The following ESR1 variants were observed in gnomAD, a reference collection of about 807,000 sequenced individuals.
The protein encoded by ESR1 is estrogen receptor.
Under a neutral mutation model 52.7 loss-of-function variants are expected in ESR1, and 12 were observed. That is an observed-to-expected ratio of 0.23 (90% CI 0.15 to 0.37). The LOEUF (loss-of-function observed/expected upper bound fraction) is 0.37. Ranked by LOEUF, ESR1 falls within the 10% of genes least tolerant of loss-of-function variation. The pLI is 1.00. For missense variants in ESR1, 584 were observed against 779.7 expected (o/e 0.75, Z 2.99); for synonymous variants, 305 against 316.8 (o/e 0.96, Z 0.39).
At chr6:151,839,931 G>A (rs9397448) in intron 1 of ESR1, among the ~76,000 whole-genome samples, 67,831 of 151,854 alleles carry the variant, frequency 0.45, 15,325 homozygotes, top group African/African-American at 0.47. Flanking sequence ...ACACTTAAGC[G>A]TGGTTACGAT....
intron 2 of ESR1, among the ~76,000 whole-genome samples, chr6:151,858,778 A>T (rs1291642362): frequency 1.3e-5 from 2 of 152,028 alleles, no homozygotes; most frequent in Admixed American, 1.3e-4. Flanking sequence ...TGTGATTTAG[A>T]GTGTGCAGTA....
At chr6:151,833,510 T>C (rs1782784565) in intron 1 of ESR1, among the ~76,000 whole-genome samples, 1 of 152,096 alleles carries the variant, frequency 6.6e-6, no homozygotes, top group Non-Finnish European at 1.5e-5. Flanking sequence ...AGGACAGGTT[T>C]GCAATGTGGA....
chr6:151,891,134 C>T (rs1234482116), intron 3 of ESR1, among the ~76,000 whole-genome samples: 1 of 152,080 alleles, frequency 6.6e-6, no homozygotes, highest in Non-Finnish European at 1.5e-5. Flanking sequence ...TATAACATAA[C>T]TTTGATTAAT....
Position 152,001,723 on chromosome 6 carries a change from A to G in ESR1, c.1097-9933A>G, listed in dbSNP as rs2041959834. Among the ~76,000 whole-genome samples the G allele has an allele frequency of 2.0e-5, 3 of 152,032 alleles. No homozygotes were observed. In the South Asian group the frequency reaches 6.2e-4, roughly 32 times the overall value. ...AATGGCATATACAAGTTCAGTGGTT[A>G]CTGACTTCAAAGGTGGGGTGGAAGA... is the stretch of plus-strand genomic sequence containing the variant. On this transcript the variant is annotated intron_variant, in intron 4 of 7. Transcript: ENST00000206249.
chr6:152,119,409 C>T (rs943139709), intron 6 of ESR1, among the ~76,000 whole-genome samples: 20 of 152,128 alleles, frequency 1.3e-4, no homozygotes, highest in African/African-American at 3.4e-4. Flanking sequence ...TCATTTCTCC[C>T]GGGATTTCTT....
intron 6 of ESR1, among the ~76,000 whole-genome samples, chr6:152,068,496 A>G (rs765539845): frequency 5.9e-5 from 9 of 151,732 alleles, no homozygotes; most frequent in Non-Finnish European, 1.0e-4. Context: ...CTATGCAATT[A>G]TCCCAGAGTG....
intron 2 of ESR1, among the ~76,000 whole-genome samples, chr6:151,868,634 C>T (rs1031240905): frequency 3.9e-5 from 6 of 152,104 alleles, no homozygotes; most frequent in African/African-American, 7.2e-5. Context: ...GCAAATGACA[C>T]GATTTCATTC....
Position 152,100,772 on chromosome 6 carries a change from C to A in ESR1, c.*1806C>A, listed in dbSNP as rs1240189768. 2.7e-3 allele frequency: 519 copies of A among 191,934 alleles called. No individual in the cohort carries two copies. Among genetic ancestry groups the A allele is most frequent in the Admixed American group, 3.5e-3 (52 of 14,696 alleles). The allele number at this position is 191,934 out of a possible 1,614,324, so 11.9% of individuals were successfully genotyped here. A position where few individuals can be genotyped will look rare whatever the true frequency, so the allele number is the denominator to read the frequency against. The stretch of plus-strand genomic sequence containing the variant: ...CCAAAGGACTGAGAATCTGGGAGGG[C>A]AAAAAAAAAAAAAAAGTTTTTATGT... On this transcript the variant is annotated 3_prime_UTR_variant, in exon 8 of 8. Transcript: ENST00000206249.
intron 2 of ESR1, among the ~76,000 whole-genome samples, chr6:151,791,782 T>G (rs1010744162): frequency 2.0e-5 from 3 of 152,184 alleles, no homozygotes; most frequent in African/African-American, 7.2e-5. Context: ...ATATTTCAGA[T>G]AGTATAATAA....
intron 5 of ESR1, among the ~76,000 whole-genome samples, chr6:152,015,193 G>A (rs1474424067): frequency 6.6e-6 from 1 of 152,118 alleles, no homozygotes; most frequent in Non-Finnish European, 1.5e-5. Flanking sequence ...AAAACACCTG[G>A]TGGCTGAATT....
chr6:151,702,641 G>T (rs1164071357), intron 2 of ESR1, among the ~76,000 whole-genome samples: 5 of 152,088 alleles, frequency 3.3e-5, no homozygotes, highest in Non-Finnish European at 7.4e-5. Flanking sequence ...AAAACAACAG[G>T]TAGCAGTTTC....
intron 1 of ESR1, among the ~76,000 whole-genome samples, chr6:151,826,687 A>T (rs1195916814): frequency 6.6e-6 from 1 of 152,190 alleles, no homozygotes; most frequent in East Asian, 1.9e-4. Flanking sequence ...TTGATGTTGT[A>T]AAACCTCCAG....
At chr6:151,933,415 C>T (rs1194648699) in intron 3 of ESR1, among the ~76,000 whole-genome samples, 2 of 150,792 alleles carry the variant, frequency 1.3e-5, no homozygotes, top group Non-Finnish European at 3.0e-5. Flanking sequence ...GACAATTTGA[C>T]TTCCTCTTTT....
chr6:152,100,422 C>G lies in ESR1; in HGVS notation c.*1456C>G, dbSNP rs566760865. 3 of 274,466 alleles carry G rather than the reference C, an allele frequency of 1.1e-5. No individual in the cohort carries two copies. The highest frequency in any genetic ancestry group is 2.1e-5 in the Non-Finnish European group (3 of 146,072). The allele number at this position is 274,466 out of a possible 1,614,324, so 17.0% of individuals were successfully genotyped here. ...AATCCTCCCCCTTCCTCCCCCGCCCCGTTCCCTACCGCCTCCACTCCTGCC... is the reference window on the plus strand; with the variant it reads ...AATCCTCCCCCTTCCTCCCCCGCCCGGTTCCCTACCGCCTCCACTCCTGCC... On this transcript the variant is annotated 3_prime_UTR_variant, in exon 8 of 8. Coordinates refer to ENST00000206249, the MANE Select transcript of ESR1 (RefSeq NM_000125.4).
intron 4 of ESR1, among the ~76,000 whole-genome samples, chr6:151,980,673 T>C (rs944283021): frequency 6.6e-6 from 1 of 152,312 alleles, no homozygotes; most frequent in African/African-American, 2.4e-5. Context: ...GAAGTTCAGA[T>C]AGATGAACTT....
chr6:151,749,737 G>C (rs1209999881), intron 2 of ESR1, among the ~76,000 whole-genome samples: 1 of 152,206 alleles, frequency 6.6e-6, no homozygotes, highest in African/African-American at 2.4e-5. Context: ...AGGGTCCCCA[G>C]TCTGGGAGGC....
chr6:151,677,972 A>AGAAAAAAGTTAAAC (rs1778309656), intron 1 of ESR1, among the ~76,000 whole-genome samples: 1 of 151,962 alleles, frequency 6.6e-6, no homozygotes, highest in Non-Finnish European at 1.5e-5. Flanking sequence ...AAAAATTAAT[A>AGAAAAAAGTTAAAC]AAACGTAATG....
intron 2 of ESR1, among the ~76,000 whole-genome samples, chr6:151,707,270 C>T (rs527958219): frequency 2.0e-5 from 3 of 152,266 alleles, no homozygotes; most frequent in African/African-American, 7.2e-5. Context: ...CACTTATTCT[C>T]ATCAGCTATA....
intron 4 of ESR1, among the ~76,000 whole-genome samples, chr6:151,981,758 T>G (rs796278833): frequency 6.6e-6 from 1 of 152,366 alleles, no homozygotes; most frequent in African/African-American, 2.4e-5. Context: ...GAAATTCAAA[T>G]GTATGCAATC....
Sources: allele counts gnomAD v4.1 joint callset (sites outside exome capture counted in the v4.1 genomes callset), GRCh38; gene constraint gnomAD v4.1.1; transcripts MANE v1.5; gene names NCBI Gene and HGNC (gene_info 2026-07-23, HGNC 2026-07-21).